Variants in PRPF38B observed in about 807,000 individuals in gnomAD.
PRPF38B encodes pre-mRNA-splicing factor 38B.
PRPF38B carries 18 observed loss-of-function variants against 67.2 expected under a neutral mutation model. The ratio of observed to expected loss-of-function variants is 0.27; its 90% CI spans 0.19 to 0.40. The LOEUF (loss-of-function observed/expected upper bound fraction) is 0.40. PRPF38B is among the 10% of genes least tolerant of loss of function. PRPF38B has a pLI of 1.00. For missense variants in PRPF38B, 544 were observed against 684.9 expected (o/e 0.79, Z 2.30); for synonymous variants, 246 against 234.2 (o/e 1.05, Z -0.46).
At chr1:108,695,399 G>A (rs1223995147) in intron 1 of PRPF38B, among the ~76,000 whole-genome samples, 1 of 152,162 alleles carries the variant, frequency 6.6e-6, no homozygotes, top group Non-Finnish European at 1.5e-5. Context: ...AACCAAGTGA[G>A]ACTATAGAAA....
chr1:108,693,945 A>G (rs1659598007), intron 1 of PRPF38B, among the ~76,000 whole-genome samples: 1 of 152,224 alleles, frequency 6.6e-6, no homozygotes, highest in Non-Finnish European at 1.5e-5. Context: ...AGACCGCACA[A>G]AGTGTTTTCT....
At position 108,692,877 on chromosome 1, in the gene PRPF38B, G is replaced by T. The variant is rs1211029716; in HGVS notation, c.276+10G>T. On this transcript the variant is annotated intron_variant, in intron 1 of 5. Coordinates refer to ENST00000370025, the MANE Select transcript of PRPF38B (RefSeq NM_018061.4). Reference sequence around the variant, plus strand: ...CGAGATCTACTTTAAGGTACGAAGTGTGTAGGCCTTGGCTTTGGGGGTAAG... The same window carrying T: ...CGAGATCTACTTTAAGGTACGAAGTTTGTAGGCCTTGGCTTTGGGGGTAAG... The T allele has an allele frequency of 5.0e-6, 8 of 1,608,212 alleles. No homozygotes were observed. Among genetic ancestry groups the T allele is most frequent in the Non-Finnish European group, 5.1e-6 (6 of 1,176,048 alleles).
In PRPF38B at chr1:108,702,348, T is replaced by G. The variant is rs926048289; in HGVS notation, c.*2328T>G. 6.6e-6 allele frequency among the ~76,000 whole-genome samples: 1 copy of G among 152,168 alleles called. No individual in the cohort carries two copies. The highest frequency in any genetic ancestry group is 1.5e-5 in the Non-Finnish European group (1 of 68,022). ...CATGTTGCCCAGGCTGGTCTTGAACTCCTGGCCTCAAGTGATCCACCCACC... is the reference window on the plus strand; with the variant it reads ...CATGTTGCCCAGGCTGGTCTTGAACGCCTGGCCTCAAGTGATCCACCCACC... On this transcript the variant is annotated 3_prime_UTR_variant, in exon 6 of 6. Coordinates refer to ENST00000370025, the MANE Select transcript of PRPF38B (RefSeq NM_018061.4).
rs1347668297 is a variant in PRPF38B, at chr1:108,698,770, A to C, written c.725A>C (p.Lys242Thr). 6.2e-7 allele frequency: 1 copy of C among 1,614,016 alleles called. No individual in the cohort carries two copies. The highest frequency in any genetic ancestry group is 1.1e-5 in the South Asian group (1 of 91,078). Residue 242 changes from lysine (K) to threonine (T), a missense_variant, in exon 5 of 6, where the codon AAA (lysine) becomes ACA (threonine). Physicochemically the swap from Lys to Thr is moderately conservative, Grantham distance 78. This residue lies in a region of PRPF38B where 387 missense variants were observed against 386.1 expected (regional missense o/e 1.00). Transcript: ENST00000370025. ...QIKTRPRKIK[K>T]DGKEGAEEID... ...AAAACCCGACCTAGAAAAATCAAGA[A>C]AGATGGGAAGGAAGGTGCTGAGGAA...
intron 1 of PRPF38B, among the ~76,000 whole-genome samples, chr1:108,693,226 C>G (rs2101029634): frequency 6.6e-6 from 1 of 152,268 alleles, no homozygotes; most frequent in Non-Finnish European, 1.5e-5. Context: ...ATCTGCTGAG[C>G]GCCAACTTGT....
chr1:108,696,540 TG>T (rs1348923511), intron 4 of PRPF38B: 4 of 614,078 alleles, frequency 6.5e-6, no homozygotes, highest in Admixed American at 3.3e-5. Context: ...TTTATTTTCT[TG>T]TTTTAAAATT....
rs1570666353 is a variant in PRPF38B at position 108,692,479 on chromosome 1, C to T, written c.-113C>T. On this transcript the variant is annotated 5_prime_UTR_variant, in exon 1 of 6. Transcript: ENST00000370025. Reference sequence around the variant, plus strand: ...CAGCTGGGGCACAGCGAGGCGGCCCCTTCTCCCGACGACGTTCGATGGAGT... The same window carrying T: ...CAGCTGGGGCACAGCGAGGCGGCCCTTTCTCCCGACGACGTTCGATGGAGT... The T allele has an allele frequency of 2.3e-6, 3 of 1,278,310 alleles. No homozygotes were observed. Among genetic ancestry groups the T allele is most frequent in the Non-Finnish European group, 3.1e-6 (3 of 956,620 alleles). The allele number at this position is 1,278,310 out of a possible 1,614,324, so 79.2% of individuals were successfully genotyped here.
chr1:108,696,214 C>T lies in PRPF38B; in HGVS notation c.497+20C>T, dbSNP rs750880568. On this transcript the variant is annotated intron_variant, in intron 3 of 5. Transcript: ENST00000370025. ...TATAAGGTGAGCGTACATTTATGTA[C>T]ATTTCCAGTAAATATCTCATTTTAA... 1.3e-5 allele frequency: 21 copies of T among 1,611,498 alleles called. No homozygotes were observed. The highest frequency in any genetic ancestry group is 1.4e-5 in the Non-Finnish European group (16 of 1,178,370).
intron 4 of PRPF38B, chr1:108,698,342 T>G (rs1660087919): frequency 2.7e-6 from 1 of 369,416 alleles, no homozygotes; most frequent in Admixed American, 4.2e-5. Flanking sequence ...AGTTTAGAAA[T>G]GTAAGGGGCT....
rs993548796 is a variant in PRPF38B, at chr1:108,692,526, G to C, written c.-66G>C. ...GAGTAGGGTCCCAGACCGTTGTCCC[G>C]AAGAGCGAGATCGAGCTTGGCCCCC... On this transcript the variant is annotated 5_prime_UTR_variant, in exon 1 of 6. Transcript: ENST00000370025. 1.8e-5 allele frequency: 27 copies of C among 1,471,880 alleles called. No homozygotes were observed. The East Asian group carries it at 6.2e-4, about 34-fold the overall frequency. 91.2% of individuals were successfully genotyped at this position (1,471,880 alleles called of 1,614,324 possible).
In PRPF38B at chr1:108,692,511, C is replaced by T; in HGVS notation, c.-81C>T. The T allele has an allele frequency of 4.8e-6, 7 of 1,445,456 alleles. No individual in the cohort carries two copies. Among genetic ancestry groups the T allele is most frequent in the Non-Finnish European group, 6.4e-6 (7 of 1,092,120 alleles). The allele number at this position is 1,445,456 out of a possible 1,614,324, so 89.5% of individuals were successfully genotyped here. A position where few individuals can be genotyped will look rare whatever the true frequency, so the allele number is the denominator to read the frequency against. On this transcript the variant is annotated 5_prime_UTR_variant, in exon 1 of 6. Coordinates refer to ENST00000370025, the MANE Select transcript of PRPF38B (RefSeq NM_018061.4). ...CGACGACGTTCGATGGAGTAGGGTC[C>T]CAGACCGTTGTCCCGAAGAGCGAGA... is the stretch of plus-strand genomic sequence containing the variant.
rs1252050511 is a variant in PRPF38B, at chr1:108,700,870, G to A, written c.*850G>A. 1 of 152,392 alleles carries A rather than the reference G, an allele frequency of 6.6e-6. No individual in the cohort carries two copies. Among genetic ancestry groups the A allele is most frequent in the East Asian group, 1.9e-4 (1 of 5,200 alleles). The allele number at this position is 152,392 out of a possible 1,614,324, so 9.4% of individuals were successfully genotyped here. A position where few individuals can be genotyped will look rare whatever the true frequency, so the allele number is the denominator to read the frequency against. On this transcript the variant is annotated 3_prime_UTR_variant, in exon 6 of 6. Transcript: ENST00000370025. The stretch of plus-strand genomic sequence containing the variant: ...GAACCCTATACTAACATGTAATGGG[G>A]AGAGGGTGGGGCAGATGAGTAGAGA...
At chr1:108,693,745 C>T (rs966337088) in intron 1 of PRPF38B, 2 of 577,120 alleles carry the variant, frequency 3.5e-6, no homozygotes, top group South Asian at 1.5e-4. Context: ...GCTTTTGGTC[C>T]TTCACCAATT....
chr1:108,696,226 A>G, intron 3 of PRPF38B, 32 bp downstream of exon 3: 1 of 1,611,034 alleles, frequency 6.2e-7, no homozygotes, highest in East Asian at 2.2e-5. Context: ...TTTCCAGTAA[A>G]TATCTCATTT....
chr1:108,695,883 A>G (rs1659816896), intron 2 of PRPF38B, 113 bp downstream of exon 2: 3 of 1,376,686 alleles, frequency 2.2e-6, no homozygotes, highest in Non-Finnish European at 2.0e-6. Flanking sequence ...TTTTAATCCA[A>G]ATTCAAGTGT....
At chr1:108,698,878 A>G (rs766139417) in intron 5 of PRPF38B, 51 bp downstream of exon 5, 2 of 1,490,304 alleles carry the variant, frequency 1.3e-6, no homozygotes, top group Non-Finnish European at 1.8e-6. Flanking sequence ...TTTATACAAA[A>G]TTAATGGTTC....
Position 108,701,256 on chromosome 1 carries a change from C to T in PRPF38B, c.*1236C>T, listed in dbSNP as rs551846781. 5.2e-5 allele frequency: 8 copies of T among 152,642 alleles called. No homozygotes were observed. The highest frequency in any genetic ancestry group is 8.8e-5 in the Non-Finnish European group (6 of 68,016). 9.5% of individuals were successfully genotyped at this position (152,642 alleles called of 1,614,324 possible). On this transcript the variant is annotated 3_prime_UTR_variant, in exon 6 of 6. Coordinates refer to ENST00000370025, the MANE Select transcript of PRPF38B (RefSeq NM_018061.4). ...ATTTATATTGTGGAAATTGATGAAACGTCAGTAGAGTCACACTTTGTGTAC... is the reference window on the plus strand; with the variant it reads ...ATTTATATTGTGGAAATTGATGAAATGTCAGTAGAGTCACACTTTGTGTAC...
At position 108,692,421 on chromosome 1, in the gene PRPF38B, T is replaced by G; in HGVS notation, c.-171T>G. ...TTCGCTGTCTGCTCTTGGCCCGGGG[T>G]CATTTTGTCGGCGTCGGGTGCCCTC... On this transcript the variant is annotated 5_prime_UTR_variant, in exon 1 of 6. Coordinates refer to ENST00000370025, the MANE Select transcript of PRPF38B (RefSeq NM_018061.4). 1.4e-6 allele frequency: 1 copy of G among 725,800 alleles called. No individual in the cohort carries two copies. The highest frequency in any genetic ancestry group is 2.2e-6 in the Non-Finnish European group (1 of 458,444). 45.0% of individuals were successfully genotyped at this position (725,800 alleles called of 1,614,324 possible).
Position 108,700,086 on chromosome 1 carries a change from G to T in PRPF38B, c.*66G>T. ...GATTAAATCTGCTTTTTTCCCCCAC[G>T]TTGAGATTGTGCAGTAGTTCGCACT... On this transcript the variant is annotated 3_prime_UTR_variant, in exon 6 of 6. Transcript: ENST00000370025. 2.0e-6 allele frequency: 3 copies of T among 1,520,432 alleles called. No homozygotes were observed. The highest frequency in any genetic ancestry group is 2.6e-6 in the Non-Finnish European group (3 of 1,140,556). 94.2% of individuals were successfully genotyped at this position (1,520,432 alleles called of 1,614,324 possible). A position where few individuals can be genotyped will look rare whatever the true frequency, so the allele number is the denominator to read the frequency against.
Sources: allele counts gnomAD v4.1 joint callset (sites outside exome capture counted in the v4.1 genomes callset), GRCh38; gene constraint gnomAD v4.1.1; regional missense constraint gnomAD v4.1.1; transcripts MANE v1.5; gene names NCBI Gene and HGNC (gene_info 2026-07-23, HGNC 2026-07-21).